Variants in FGF10 observed in about 807,000 individuals in gnomAD.
The protein encoded by FGF10 is FGF-10.
A neutral mutation model predicts 19.8 loss-of-function variants in FGF10; 2 were observed. The ratio of observed to expected loss-of-function variants is 0.10; its 90% confidence interval spans 0.04 to 0.32. The LOEUF (loss-of-function observed/expected upper bound fraction) is 0.32, where lower values mean the gene tolerates loss of function less well. Ranked by LOEUF, FGF10 falls within the 10% of genes least tolerant of loss-of-function variation. FGF10 has a pLI of 1.00. For synonymous variants in FGF10, 112 were observed against 94.0 expected (o/e 1.19, Z -1.10); for missense variants, 191 against 246.3 (o/e 0.78, Z 1.50).
Position 44,302,370 on chromosome 5 carries a change from C to T in FGF10, c.*2625G>A, listed in dbSNP as rs780968782. Among the ~76,000 whole-genome samples, 1 of 144,244 alleles carries T rather than the reference C, an allele frequency of 6.9e-6. No individual in the cohort carries two copies. The highest frequency in any genetic ancestry group is 2.1e-4 in the East Asian group (1 of 4,830). The allele number at this position is 144,244 out of a possible 152,430, so 94.6% of individuals were successfully genotyped here. ...TTTCTCTCTTTCTTTTCTCTTTTCT[C>T]TCTTTCCTTTCTTTCTGGCTCTTTT... On this transcript the variant is annotated 3_prime_UTR_variant, in exon 3 of 3. Coordinates refer to ENST00000264664, the MANE Select transcript of FGF10 (RefSeq NM_004465.2).
Position 44,388,729 on chromosome 5 carries a change from T to C in FGF10, c.-47A>G. 1 of 1,596,744 alleles carries C rather than the reference T, an allele frequency of 6.3e-7. No homozygotes were observed. Among genetic ancestry groups the C allele is most frequent in the Non-Finnish European group, 8.6e-7 (1 of 1,165,238 alleles). ...GGAAATTGTCTCATCAGAAGGAACA[T>C]ACTGGAAGGGTAAGACCCGATGCAA... On this transcript the variant is annotated 5_prime_UTR_variant, in exon 1 of 3. The change abolishes an upstream ATG in the 5' untranslated region. Coordinates refer to ENST00000264664, the MANE Select transcript of FGF10 (RefSeq NM_004465.2).
At chr5:44,351,894 A>G (rs1401570748) in intron 1 of FGF10, among the ~76,000 whole-genome samples, 2 of 151,660 alleles carry the variant, frequency 1.3e-5, no homozygotes, top group African/African-American at 2.4e-5. Flanking sequence ...TTACTGATTT[A>G]TATCTTGATT....
chr5:44,370,911 TAGTG>T (rs1268372961), intron 1 of FGF10, among the ~76,000 whole-genome samples: 1 of 152,092 alleles, frequency 6.6e-6, no homozygotes, highest in Admixed American at 6.6e-5. Flanking sequence ...AATCTACACA[TAGTG>T]AGAGAAGATA....
rs17227529 is a variant in FGF10 at position 44,387,288 on chromosome 5, C to A, written c.325+1070G>T. 9.9e-4 allele frequency among the ~76,000 whole-genome samples: 151 copies of A among 152,208 alleles called. 2 individuals carry two copies. The South Asian group carries it at 0.03, about 31-fold the overall frequency. On this transcript the variant is annotated intron_variant, in intron 1 of 2. Transcript: ENST00000264664. ...AATATCCACCCCTCTTCTTCTAGTT[C>A]TCTTCCCCCAACCAGCCCACACCCC...
chr5:44,309,596 T>C (rs1740162551), intron 2 of FGF10, among the ~76,000 whole-genome samples: 1 of 152,186 alleles, frequency 6.6e-6, no homozygotes, highest in South Asian at 2.1e-4. Flanking sequence ...TAGTAGATGT[T>C]GATATGATTG....
In FGF10 at chr5:44,312,497, A is replaced by G. The variant is rs186558917; in HGVS notation, c.326-1967T>C. Among the ~76,000 whole-genome samples, 691 of 152,170 alleles carry G rather than the reference A, an allele frequency of 4.5e-3. 5 individuals carry two copies. The highest frequency in any genetic ancestry group is 7.6e-3 in the Non-Finnish European group (515 of 67,966). ...TTCCTACAAGGGAACCCTGTTGCAA[A>G]CCATCTGACAAAATGACTCATCAAG... On this transcript the variant is annotated intron_variant, in intron 1 of 2. Transcript: ENST00000264664.
At position 44,304,335 on chromosome 5, in the gene FGF10, C is replaced by G. The variant is rs1423758159; in HGVS notation, c.*660G>C. 1 of 152,320 alleles carries G rather than the reference C, an allele frequency of 6.6e-6. No individual in the cohort carries two copies. Among genetic ancestry groups the G allele is most frequent in the South Asian group, 2.1e-4 (1 of 4,836 alleles). The allele number at this position is 152,320 out of a possible 1,614,324, so 9.4% of individuals were successfully genotyped here. ...GCTGCTGAGATACTCTTTAAAACCCCAAAAGATATTTAACATCCTATTAAA... is the reference window on the plus strand; with the variant it reads ...GCTGCTGAGATACTCTTTAAAACCCGAAAAGATATTTAACATCCTATTAAA... On this transcript the variant is annotated 3_prime_UTR_variant, in exon 3 of 3. Transcript: ENST00000264664.
At chr5:44,367,704 A>G (rs927079136) in intron 1 of FGF10, among the ~76,000 whole-genome samples, 1 of 152,028 alleles carries the variant, frequency 6.6e-6, no homozygotes, top group African/African-American at 2.4e-5. Flanking sequence ...ATTCAATATC[A>G]TTAGTTATTA....
At chr5:44,385,257 G>GC (rs1017515425) in intron 1 of FGF10, among the ~76,000 whole-genome samples, 7 of 151,962 alleles carry the variant, frequency 4.6e-5, no homozygotes, top group Admixed American at 1.3e-4. Flanking sequence ...AAAAAGTATA[G>GC]CCCCCCACCC....
chr5:44,383,368 C>T (rs1742026555), intron 1 of FGF10, among the ~76,000 whole-genome samples: 1 of 152,062 alleles, frequency 6.6e-6, no homozygotes, highest in African/African-American at 2.4e-5. Flanking sequence ...TTTATTTGAT[C>T]CTATAAGACA....
At chr5:44,356,450 C>T (rs937654968) in intron 1 of FGF10, among the ~76,000 whole-genome samples, 1 of 151,394 alleles carries the variant, frequency 6.6e-6, no homozygotes, top group African/African-American at 2.4e-5. Context: ...AGCTCAGGAA[C>T]TTAGTTGGAA....
intron 1 of FGF10, among the ~76,000 whole-genome samples, chr5:44,378,148 A>G (rs902007270): frequency 6.6e-6 from 1 of 152,188 alleles, no homozygotes; most frequent in Admixed American, 6.5e-5. Flanking sequence ...AAGCAACAGC[A>G]GCTGAAGGGG....
intron 1 of FGF10, among the ~76,000 whole-genome samples, chr5:44,319,227 AT>A (rs1231080016): frequency 3.3e-5 from 5 of 152,196 alleles, no homozygotes; most frequent in Non-Finnish European, 7.3e-5. Context: ...GAGAAAAAAA[AT>A]TAAGCCACAT....
At chr5:44,337,700 G>A (rs546675711) in intron 1 of FGF10, among the ~76,000 whole-genome samples, 1 of 152,296 alleles carries the variant, frequency 6.6e-6, no homozygotes, top group South Asian at 2.1e-4. Flanking sequence ...CCAGCACTTT[G>A]GGAGGCTGAG....
In FGF10 at chr5:44,304,743, T is replaced by A; in HGVS notation, c.*252A>T. ...ACAACAAAAAACCCAGCCACAATGTTTTTCACTTGGGAATAACTTCTATCC... is the reference window on the plus strand; with the variant it reads ...ACAACAAAAAACCCAGCCACAATGTATTTCACTTGGGAATAACTTCTATCC... On this transcript the variant is annotated 3_prime_UTR_variant, in exon 3 of 3. Transcript: ENST00000264664. The A allele has an allele frequency of 2.2e-6, 1 of 449,038 alleles. No homozygotes were observed. Among genetic ancestry groups the A allele is most frequent in the Non-Finnish European group, 4.0e-6 (1 of 247,728 alleles). The allele number at this position is 449,038 out of a possible 1,614,324, so 27.8% of individuals were successfully genotyped here.
At chr5:44,325,482 A>G (rs1383545963) in intron 1 of FGF10, among the ~76,000 whole-genome samples, 3 of 152,160 alleles carry the variant, frequency 2.0e-5, no homozygotes, top group African/African-American at 7.2e-5. Flanking sequence ...CTTGGAACCA[A>G]CGCAAATGTC....
At chr5:44,383,840 C>G (rs1369780444) in intron 1 of FGF10, among the ~76,000 whole-genome samples, 2 of 152,006 alleles carry the variant, frequency 1.3e-5, no homozygotes, top group African/African-American at 4.8e-5. Flanking sequence ...CAGTGGAAGC[C>G]ATAAATTGTT....
At chr5:44,388,234 T>G in intron 1 of FGF10, 124 bp downstream of exon 1, 1 of 902,192 alleles carries the variant, frequency 1.1e-6, no homozygotes, top group Non-Finnish European at 1.8e-6. Context: ...AGTATTCCAC[T>G]TAATCATTTT....
At chr5:44,349,203 C>T (rs1451849652) in intron 1 of FGF10, among the ~76,000 whole-genome samples, 1 of 150,574 alleles carries the variant, frequency 6.6e-6, no homozygotes, top group Non-Finnish European at 1.5e-5. Context: ...GCACTTGTCT[C>T]TATAATCTTT....
Sources: allele counts gnomAD v4.1 joint callset (sites outside exome capture counted in the v4.1 genomes callset), GRCh38; gene constraint gnomAD v4.1.1; transcripts MANE v1.5; gene names NCBI Gene and HGNC (gene_info 2026-07-23, HGNC 2026-07-21).